The following FKBP15 variants were observed in gnomAD, a reference collection of about 807,000 sequenced individuals.
FKBP15 encodes the protein FK506-binding protein 15.
Under a neutral mutation model 158.1 loss-of-function variants are expected in FKBP15, and 106 were observed. That is an observed-to-expected ratio of 0.67 (90% CI 0.57 to 0.79). The LOEUF is 0.79. FKBP15 is among the 30% of genes least tolerant of loss of function. The pLI, the probability that FKBP15 is intolerant of heterozygous loss-of-function variation, is 0.00. For missense variants in FKBP15, 1,287 were observed against 1,479.1 expected (o/e 0.87, Z 2.13); for synonymous variants, 547 against 548.6 (o/e 1.00, Z 0.04).
intron 27 of FKBP15, among the ~76,000 whole-genome samples, chr9:113,166,967 T>C (rs1445608417): frequency 2.3e-4 from 35 of 152,168 alleles, no homozygotes; most frequent in Admixed American, 2.3e-3. Context: ...CCAGAATCCA[T>C]CTTCACAGGG....
At chr9:113,171,783 C>A in intron 23 of FKBP15, 77 bp from the exon 24 acceptor site, 1 of 1,235,980 alleles carries the variant, frequency 8.1e-7, no homozygotes. Flanking sequence ...GGAGAACCAC[C>A]CAAACATCAA....
chr9:113,217,913 C>T (rs1831171954), intron 1 of FKBP15, among the ~76,000 whole-genome samples: 2 of 152,122 alleles, frequency 1.3e-5, no homozygotes, highest in East Asian at 1.9e-4. Flanking sequence ...CTCAAATGTA[C>T]ACAATCTCCC....
chr9:113,172,897 C>A (rs1433812250), intron 23 of FKBP15, among the ~76,000 whole-genome samples: 1 of 152,132 alleles, frequency 6.6e-6, no homozygotes, highest in Non-Finnish European at 1.5e-5. Context: ...CTTTTTCAGG[C>A]CTGATGATCC....
Position 113,198,823 on chromosome 9 carries a change from A to G in FKBP15, c.717+32T>C. 6.6e-7 allele frequency: 1 copy of G among 1,510,748 alleles called. No homozygotes were observed. Among genetic ancestry groups the G allele is most frequent in the Non-Finnish European group, 9.1e-7 (1 of 1,104,294 alleles). The allele number at this position is 1,510,748 out of a possible 1,614,324, so 93.6% of individuals were successfully genotyped here. A position where few individuals can be genotyped will look rare whatever the true frequency, so the allele number is the denominator to read the frequency against. ...CTAAGTTAAACCCACTGCAACTGAT[A>G]AAACCATAAAAAAACACAGTTAAGC... On this transcript the variant is annotated intron_variant, in intron 8 of 27. Coordinates refer to ENST00000238256, the MANE Select transcript of FKBP15 (RefSeq NM_015258.2). The surrounding 1 kb of genome is among the most constrained non-coding windows in gnomAD (Gnocchi z 5.2).
At chr9:113,191,092 A>G (rs1830566276) in intron 11 of FKBP15, among the ~76,000 whole-genome samples, 2 of 152,210 alleles carry the variant, frequency 1.3e-5, no homozygotes, top group Non-Finnish European at 2.9e-5. Flanking sequence ...CCAAAATTTC[A>G]GAATGGCAAG....
At position 113,203,005 on chromosome 9, in the gene FKBP15, G is replaced by A. The variant is rs1457809512; in HGVS notation, c.355C>T (p.Gln119Ter). Residue 119 changes from glutamine (Q) to a stop codon, truncating the protein, a stop_gained, in exon 5 of 28, where the codon CAG becomes TAG. Coordinates refer to ENST00000238256, the MANE Select transcript of FKBP15 (RefSeq NM_015258.2). LOFTEE classifies it high-confidence loss of function. ...TGAATCCTAGCAACCGTAACTGGCT[G>A]TTGTTGACTGATATAAAGAAGAATC... ...YRILLYISQQ[Q>*]PVTVARIHVN... The A allele has an allele frequency of 2.5e-6, 4 of 1,612,356 alleles. No homozygotes were observed. The South Asian group carries it at 3.3e-5, about 13-fold the overall frequency.
At position 113,164,549 on chromosome 9, in the gene FKBP15, A is replaced by T. The variant is rs1830068905; in HGVS notation, c.*1529T>A. 1 of 152,254 alleles carries T rather than the reference A, an allele frequency of 6.6e-6. No homozygotes were observed. The highest frequency in any genetic ancestry group is 1.5e-5 in the Non-Finnish European group (1 of 68,044). 9.4% of individuals were successfully genotyped at this position (152,254 alleles called of 1,614,324 possible). A position where few individuals can be genotyped will look rare whatever the true frequency, so the allele number is the denominator to read the frequency against. On this transcript the variant is annotated 3_prime_UTR_variant, in exon 28 of 28. Coordinates refer to ENST00000238256, the MANE Select transcript of FKBP15 (RefSeq NM_015258.2). ...ACTGCCCTAGAAAGTAGACTATGTC[A>T]CACCTTTAGGACTGATCAGGGCATT... is the stretch of plus-strand genomic sequence containing the variant.
At chr9:113,208,425 C>T (rs939764661) in intron 2 of FKBP15, among the ~76,000 whole-genome samples, 4 of 152,178 alleles carry the variant, frequency 2.6e-5, no homozygotes, top group African/African-American at 9.6e-5. Context: ...CACATTTATA[C>T]TCACTATATG....
At chr9:113,206,712 ATTTTTTTTTT>A in intron 3 of FKBP15, 134 bp from the exon 4 acceptor site, 6 of 288,906 alleles carry the variant, frequency 2.1e-5, no homozygotes, top group African/African-American at 1.8e-4. Context: ...GCGGTTTAAA[ATTTTTTTTTT>A]TTTTTTTTTT....
chr9:113,170,654 T>C lies in FKBP15; in HGVS notation c.2659-25A>G, dbSNP rs567817209. 2.4e-5 allele frequency: 37 copies of C among 1,554,694 alleles called. 1 individual carries two copies. In the South Asian group the frequency reaches 4.1e-4, roughly 17 times the overall value. On this transcript the variant is annotated intron_variant, in intron 24 of 27. Coordinates refer to ENST00000238256, the MANE Select transcript of FKBP15 (RefSeq NM_015258.2). ...CCTGTGTGAACATCAAAACACATGC[T>C]GTCAAAATCAAGTCACTAAAGGATG...
chr9:113,173,220 A>G (rs542566943), intron 23 of FKBP15, among the ~76,000 whole-genome samples: 1 of 152,224 alleles, frequency 6.6e-6, no homozygotes, highest in Non-Finnish European at 1.5e-5. Flanking sequence ...GAAGGATCCA[A>G]TAATAATGGG....
intron 3 of FKBP15, chr9:113,206,870 C>T (rs1009715575): frequency 1.4e-5 from 6 of 439,914 alleles, no homozygotes; most frequent in Non-Finnish European, 2.0e-5. Context: ...GAGTGCGCCA[C>T]CGCACCCGGC....
Position 113,183,842 on chromosome 9 carries a change from T to A in FKBP15, c.1720A>T (p.Asn574Tyr), listed in dbSNP as rs1830442152. ...AGGATCTCTTGCTTCAATCTTTCATTTTCCTAATTTCAAAATATATGATGT... is the reference window on the plus strand; with the variant it reads ...AGGATCTCTTGCTTCAATCTTTCATATTCCTAATTTCAAAATATATGATGT... Reference protein sequence around the residue: ...MSNIQRIIQENERLKQEILEK... With the variant: ...MSNIQRIIQEYERLKQEILEK... Residue 574 changes from asparagine to tyrosine, a missense_variant, in exon 18 of 28, where the codon AAT (asparagine) becomes TAT (tyrosine). Physicochemically the swap from Asn to Tyr is moderately radical, Grantham distance 143 (BLOSUM62 -2). Transcript: ENST00000238256. 1.2e-6 allele frequency: 2 copies of A among 1,609,640 alleles called. No homozygotes were observed.
intron 19 of FKBP15, among the ~76,000 whole-genome samples, chr9:113,179,384 C>A (rs900919975): frequency 6.6e-6 from 1 of 152,150 alleles, no homozygotes; most frequent in Non-Finnish European, 1.5e-5. Flanking sequence ...AAAATAAAGG[C>A]CGGGCGCAGT....
At chr9:113,188,869 A>G (rs1281692972) in intron 12 of FKBP15, among the ~76,000 whole-genome samples, 2 of 152,238 alleles carry the variant, frequency 1.3e-5, no homozygotes, top group Non-Finnish European at 2.9e-5. Context: ...GGTCTTTTGC[A>G]AGAAATAATC....
At chr9:113,216,764 T>C (rs182853655) in intron 1 of FKBP15, among the ~76,000 whole-genome samples, 36 of 152,334 alleles carry the variant, frequency 2.4e-4, no homozygotes, top group African/African-American at 8.7e-4. Flanking sequence ...TTTGCAGGTA[T>C]AGCCTTTTTA....
intron 12 of FKBP15, among the ~76,000 whole-genome samples, chr9:113,190,224 A>G (rs889053698): frequency 1.3e-5 from 2 of 152,240 alleles, no homozygotes; most frequent in African/African-American, 4.8e-5. Flanking sequence ...ATTCTAGTAA[A>G]GAAGGCTAAA....
chr9:113,169,128 T>C lies in FKBP15; in HGVS notation c.3485+96A>G, dbSNP rs554925798. The C allele has an allele frequency of 1.1e-5, 16 of 1,437,106 alleles. No homozygotes were observed. The East Asian group carries it at 3.4e-4, about 30-fold the overall frequency. 89.0% of individuals were successfully genotyped at this position (1,437,106 alleles called of 1,614,324 possible). The stretch of plus-strand genomic sequence containing the variant: ...CTAATGAATGAAGACATGAGTAAAT[T>C]AGTCTCTGAGGGATGAGTTGCCAGC... On this transcript the variant is annotated intron_variant, in intron 26 of 27. Transcript: ENST00000238256.
chr9:113,190,882 A>G (rs1479450152), intron 11 of FKBP15, among the ~76,000 whole-genome samples: 2 of 152,220 alleles, frequency 1.3e-5, no homozygotes, highest in Non-Finnish European at 2.9e-5. Flanking sequence ...ATGAAAAATT[A>G]AAGTGAGATG....
Sources: allele counts gnomAD v4.1 joint callset (sites outside exome capture counted in the v4.1 genomes callset), GRCh38; gene constraint gnomAD v4.1.1; non-coding constraint Gnocchi (gnomAD v3.1); transcripts MANE v1.5; gene names NCBI Gene and HGNC (gene_info 2026-07-23, HGNC 2026-07-21).